KCNN2: variants seen among roughly 807,000 people sequenced by gnomAD.
The protein encoded by KCNN2 is potassium calcium-activated channel subfamily N member 2.
A neutral mutation model predicts 55.5 loss-of-function variants in KCNN2; 24 were observed. That is an observed-to-expected ratio of 0.43 (90% CI 0.31 to 0.61). The LOEUF (loss-of-function observed/expected upper bound fraction) is 0.61, where lower values mean the gene tolerates loss of function less well. Ranked by LOEUF, KCNN2 falls within the 20% of genes least tolerant of loss-of-function variation. The pLI is 0.08. For missense variants in KCNN2, 754 were observed against 853.6 expected (o/e 0.88, Z 1.45); for synonymous variants, 431 against 336.1 (o/e 1.28, Z -3.09).
chr5:114,105,028 G>T (rs191094626), intron 1 of KCNN2, among the ~76,000 whole-genome samples: 1 of 152,118 alleles, frequency 6.6e-6, no homozygotes, highest in African/African-American at 2.4e-5. Context: ...ATTAATGAAC[G>T]TGTTAAATTG....
At chr5:114,348,063 A>G (rs1171451111) in intron 2 of KCNN2, among the ~76,000 whole-genome samples, 1 of 152,100 alleles carries the variant, frequency 6.6e-6, no homozygotes, top group East Asian at 1.9e-4. Context: ...GTGTGCTTCA[A>G]ACAGCCAAAC....
intron 3 of KCNN2, among the ~76,000 whole-genome samples, chr5:114,405,688 T>G (rs1358204138): frequency 6.7e-6 from 1 of 149,928 alleles, no homozygotes; most frequent in African/African-American, 2.5e-5. Context: ...TGTTAGTCTT[T>G]GTAGTTTTTT....
chr5:114,294,831 G>A (rs1372277862), intron 2 of KCNN2, among the ~76,000 whole-genome samples: 1 of 151,180 alleles, frequency 6.6e-6, no homozygotes, highest in Non-Finnish European at 1.5e-5. Context: ...GGACTCTAAG[G>A]ACTTGCTTTA....
upstream of KCNN2, among the ~76,000 whole-genome samples, chr5:114,357,471 C>T (rs1184364918): frequency 1.7e-5 from 2 of 119,578 alleles, no homozygotes; most frequent in Non-Finnish European, 3.5e-5. Flanking sequence ...CACAACAGTC[C>T]CCAGAGTGTG....
At chr5:114,323,786 C>T (rs1046259952) in intron 2 of KCNN2, among the ~76,000 whole-genome samples, 3 of 151,224 alleles carry the variant, frequency 2.0e-5, no homozygotes, top group South Asian at 4.2e-4. Flanking sequence ...GTAGCTGGGA[C>T]TACAGGCATG....
At chr5:114,461,459 C>G (rs1469673437) in intron 3 of KCNN2, among the ~76,000 whole-genome samples, 1 of 152,096 alleles carries the variant, frequency 6.6e-6, no homozygotes, top group Non-Finnish European at 1.5e-5. Context: ...CCTTTGATTC[C>G]AGGAGATCAG....
chr5:114,279,312 T>TA (rs1755567546), intron 2 of KCNN2, among the ~76,000 whole-genome samples: 1 of 152,094 alleles, frequency 6.6e-6, no homozygotes, highest in African/African-American at 2.4e-5. Flanking sequence ...TTCTTTTTTT[T>TA]TTATTATACT....
chr5:114,470,449 C>T lies in KCNN2; in HGVS notation c.1780-2605C>T, dbSNP rs557875483. On this transcript the variant is annotated intron_variant, in intron 4 of 7. Coordinates refer to ENST00000673685, the MANE Select transcript of KCNN2 (RefSeq NM_021614.4). ...CTACAAAAGGCTAGCCTGTGTTTGTCGAGCATACGCTATACCATACAGCAG... is the reference window on the plus strand; with the variant it reads ...CTACAAAAGGCTAGCCTGTGTTTGTTGAGCATACGCTATACCATACAGCAG... Among the ~76,000 whole-genome samples the T allele has an allele frequency of 2.8e-4, 42 of 152,162 alleles. No homozygotes were observed. In the South Asian group the frequency reaches 3.5e-3, roughly 13 times the overall value.
intron 1 of KCNN2, among the ~76,000 whole-genome samples, chr5:114,115,806 A>G (rs1024885898): frequency 2.6e-5 from 4 of 152,090 alleles, no homozygotes; most frequent in African/African-American, 9.7e-5. Context: ...TTTGCGAGGA[A>G]TAAGCCACCC....
chr5:114,313,274 A>T (rs781523821), intron 2 of KCNN2, among the ~76,000 whole-genome samples: 2 of 152,140 alleles, frequency 1.3e-5, no homozygotes, highest in Non-Finnish European at 2.9e-5. Context: ...AAGAATCCTC[A>T]GTTATTAACT....
chr5:114,417,674 A>T (rs73782234), intron 3 of KCNN2, among the ~76,000 whole-genome samples: 9,899 of 152,214 alleles, frequency 0.065, 365 homozygotes, highest in African/African-American at 0.11. Flanking sequence ...CAGGAAAAGA[A>T]CCAGGGGGAC....
intron 1 of KCNN2, among the ~76,000 whole-genome samples, chr5:114,193,758 CT>C (rs1199122252): frequency 2.0e-5 from 3 of 152,078 alleles, no homozygotes; most frequent in African/African-American, 7.2e-5. Context: ...AGATCTGCCC[CT>C]ACCCTAGAAT....
intron 2 of KCNN2, among the ~76,000 whole-genome samples, chr5:114,302,187 A>G (rs1756179562): frequency 6.6e-6 from 1 of 152,164 alleles, no homozygotes; most frequent in African/African-American, 2.4e-5. Flanking sequence ...TGTACTGTTG[A>G]ACTTAGAATC....
intron 3 of KCNN2, chr5:114,433,482 A>C (rs1222894024): frequency 1.3e-5 from 2 of 152,292 alleles, no homozygotes; most frequent in African/African-American, 4.8e-5. Context: ...CAGATAAGAG[A>C]ATAAAAGCAG....
At position 114,176,448 on chromosome 5, in the gene KCNN2, G is replaced by A. The variant is rs570930110; in HGVS notation, c.-270-45032G>A. Among the ~76,000 whole-genome samples, 15 of 152,220 alleles carry A rather than the reference G, an allele frequency of 9.9e-5. No homozygotes were observed. In the South Asian group the frequency reaches 2.9e-3, roughly 29 times the overall value. ...GTTCAAAAGACTTTGGCTCTGTAAG[G>A]CTGAACATCTAAGTTTATAAAACAT... On this transcript the variant is annotated intron_variant, in intron 1 of 10. Transcript: ENST00000512097.
chr5:114,078,966 T>C (rs1750741869), intron 1 of KCNN2, among the ~76,000 whole-genome samples: 1 of 152,178 alleles, frequency 6.6e-6, no homozygotes, highest in Admixed American at 6.5e-5. Flanking sequence ...ATCAACCATA[T>C]TCAGTTGGAA....
At chr5:114,323,808 C>G (rs1054386369) in intron 2 of KCNN2, among the ~76,000 whole-genome samples, 4 of 151,386 alleles carry the variant, frequency 2.6e-5, no homozygotes, top group Non-Finnish European at 5.9e-5. Flanking sequence ...GCCACCATGC[C>G]CAGCTAATTT....
intron 1 of KCNN2, among the ~76,000 whole-genome samples, chr5:114,077,438 A>G (rs1232328594): frequency 6.6e-6 from 1 of 152,178 alleles, no homozygotes; most frequent in East Asian, 1.9e-4. Flanking sequence ...GGCATAGTGT[A>G]GGGGCAGTGG....
At chr5:114,434,166 T>A (rs984995163) in intron 3 of KCNN2, among the ~76,000 whole-genome samples, 1 of 142,146 alleles carries the variant, frequency 7.0e-6, no homozygotes, top group African/African-American at 2.5e-5. Context: ...TTTTAGCATA[T>A]CAGTTATACT....
Sources: allele counts gnomAD v4.1 joint callset (sites outside exome capture counted in the v4.1 genomes callset), GRCh38; gene constraint gnomAD v4.1.1; transcripts MANE v1.5; gene names NCBI Gene and HGNC (gene_info 2026-07-23, HGNC 2026-07-21).